Variants in SGCD observed in about 807,000 individuals in gnomAD.
SGCD encodes the protein delta-sarcoglycan.
SGCD carries 18 observed loss-of-function variants against 36.6 expected under a neutral mutation model. The ratio of observed to expected loss-of-function variants is 0.49; its 90% CI spans 0.34 to 0.73. The LOEUF is 0.73. Among genes scored for constraint, SGCD ranks in the 30% least tolerant of loss-of-function variants. The pLI is 0.01. For missense variants in SGCD, 387 were observed against 346.7 expected (o/e 1.12, Z -0.92); for synonymous variants, 133 against 130.6 (o/e 1.02, Z -0.12).
intron 1 of SGCD, among the ~76,000 whole-genome samples, chr5:156,056,716 C>T (rs1240743009): frequency 7.1e-6 from 1 of 141,746 alleles, no homozygotes; most frequent in Non-Finnish European, 1.6e-5. Flanking sequence ...ACTCCAGTTT[C>T]CCATTTAGCC....
chr5:156,498,068 T>C (rs1756275751), intron 3 of SGCD, among the ~76,000 whole-genome samples: 1 of 152,188 alleles, frequency 6.6e-6, no homozygotes, highest in Non-Finnish European at 1.5e-5. Flanking sequence ...TTGCCCAGCA[T>C]GTTCCTTTAG....
At chr5:156,718,769 G>C (rs937604576) in intron 7 of SGCD, among the ~76,000 whole-genome samples, 7 of 144,460 alleles carry the variant, frequency 4.8e-5, no homozygotes, top group Admixed American at 2.1e-4. Context: ...ATGAGTTCAA[G>C]ACCAGCCTGG....
intron 4 of SGCD, among the ~76,000 whole-genome samples, chr5:156,555,461 A>G (rs1758984270): frequency 6.6e-6 from 1 of 152,144 alleles, no homozygotes; most frequent in Admixed American, 6.6e-5. Context: ...TCCCAGCATC[A>G]TTTGTTGAAA....
At chr5:155,895,671 T>C (rs1292289769) in intron 1 of SGCD, among the ~76,000 whole-genome samples, 1 of 136,462 alleles carries the variant, frequency 7.3e-6, no homozygotes, top group Non-Finnish European at 1.6e-5. Context: ...GACTGTATGA[T>C]TTCTTGTAAT....
chr5:156,103,470 T>A (rs1454160099), intron 1 of SGCD, among the ~76,000 whole-genome samples: 1 of 152,144 alleles, frequency 6.6e-6, no homozygotes, highest in African/African-American at 2.4e-5. Context: ...TAACACATAA[T>A]AAAAAATTAA....
intron 3 of SGCD, among the ~76,000 whole-genome samples, chr5:156,170,639 T>C (rs1174361188): frequency 6.6e-6 from 1 of 152,202 alleles, no homozygotes. Context: ...GGGAAGCCTA[T>C]CTGAAGTCCT....
chr5:156,048,569 T>C (rs1362256226), intron 1 of SGCD, among the ~76,000 whole-genome samples: 1 of 152,268 alleles, frequency 6.6e-6, no homozygotes, highest in Non-Finnish European at 1.5e-5. Flanking sequence ...ATTTCTCTGA[T>C]GGCCAGTGAT....
At chr5:156,573,321 G>A (rs1026492944) in intron 4 of SGCD, among the ~76,000 whole-genome samples, 5 of 152,114 alleles carry the variant, frequency 3.3e-5, no homozygotes, top group African/African-American at 9.7e-5. Flanking sequence ...TGAGAATCAC[G>A]TGGACACAAA....
chr5:155,956,806 C>G (rs891911), intron 1 of SGCD, among the ~76,000 whole-genome samples: 38,969 of 150,010 alleles, frequency 0.26, 6,040 homozygotes, highest in Admixed American at 0.4. Context: ...GGCCCCCCCC[C>G]CCGGTTAATC....
chr5:156,194,238 G>A (rs1335489591), intron 3 of SGCD, among the ~76,000 whole-genome samples: 5 of 152,100 alleles, frequency 3.3e-5, no homozygotes, highest in African/African-American at 7.2e-5. Flanking sequence ...AATTAGCTGG[G>A]CATGGTGGTA....
In SGCD at chr5:156,512,670, A is replaced by G. The variant is rs58592346; in HGVS notation, c.294+3968A>G. ...GATAAGTTACAATCTGATAAGTTCT[A>G]AAATATGTCTGTTCACATGAAACCA... On this transcript the variant is annotated intron_variant, in intron 4 of 8. Transcript: ENST00000337851. Among the ~76,000 whole-genome samples, 1,226 of 152,304 alleles carry G rather than the reference A, an allele frequency of 8.0e-3. 24 individuals carry two copies. The highest frequency in any genetic ancestry group is 0.027 in the African/African-American group (1,142 of 41,556).
At chr5:156,101,404 T>G (rs1761511781) in intron 1 of SGCD, among the ~76,000 whole-genome samples, 1 of 152,192 alleles carries the variant, frequency 6.6e-6, no homozygotes, top group Non-Finnish European at 1.5e-5. Context: ...TGGTATGTCC[T>G]GAGTCAACTA....
chr5:156,577,332 G>A, intron 4 of SGCD, among the ~76,000 whole-genome samples: 1 of 152,008 alleles, frequency 6.6e-6, no homozygotes, highest in African/African-American at 2.4e-5. Context: ...CTTGTGGAAT[G>A]GTTTGAAGTC....
chr5:156,509,436 T>G lies in SGCD; in HGVS notation c.294+734T>G, dbSNP rs1756841589. Among the ~76,000 whole-genome samples, 5 of 152,188 alleles carry G rather than the reference T, an allele frequency of 3.3e-5. No individual in the cohort carries two copies. In the South Asian group the frequency reaches 1.0e-3, roughly 32 times the overall value. On this transcript the variant is annotated intron_variant, in intron 4 of 8. Coordinates refer to ENST00000337851, the MANE Select transcript of SGCD (RefSeq NM_000337.6). Reference sequence around the variant, plus strand: ...CAAGGCTCCATCTCAAAAAAAAAATTAATTCAATATCAACAGCTACATTCT... The same window carrying G: ...CAAGGCTCCATCTCAAAAAAAAAATGAATTCAATATCAACAGCTACATTCT...
chr5:155,989,897 C>T (rs1758399294), intron 1 of SGCD, among the ~76,000 whole-genome samples: 2 of 152,104 alleles, frequency 1.3e-5, no homozygotes, highest in South Asian at 2.1e-4. Context: ...AGAACTAGTT[C>T]GACTTATAGA....
chr5:155,974,125 C>T (rs774016933), intron 1 of SGCD, among the ~76,000 whole-genome samples: 3 of 151,968 alleles, frequency 2.0e-5, no homozygotes, highest in Admixed American at 2.0e-4. Flanking sequence ...AAACTGATGA[C>T]ATCTGAATAT....
intron 7 of SGCD, among the ~76,000 whole-genome samples, chr5:156,721,640 G>A (rs1755508617): frequency 6.6e-6 from 1 of 152,158 alleles, no homozygotes. Flanking sequence ...GCAGATTAGA[G>A]TGAAGCAAGA....
intron 3 of SGCD, among the ~76,000 whole-genome samples, chr5:156,389,903 T>TACACAC (rs34268804): frequency 5.9e-4 from 89 of 150,832 alleles, no homozygotes; most frequent in South Asian, 1.9e-3. Context: ...TATATTATGT[T>TACACAC]ACACACACAC....
chr5:156,513,692 T>C (rs1757036608), intron 4 of SGCD, among the ~76,000 whole-genome samples: 1 of 152,240 alleles, frequency 6.6e-6, no homozygotes, highest in Admixed American at 6.5e-5. Context: ...CTGTATCTGA[T>C]TTCATTACTG....
Sources: allele counts gnomAD v4.1 joint callset (sites outside exome capture counted in the v4.1 genomes callset), GRCh38; gene constraint gnomAD v4.1.1; transcripts MANE v1.5; gene names NCBI Gene and HGNC (gene_info 2026-07-23, HGNC 2026-07-21).